RXFP1: variants seen among roughly 807,000 people sequenced by gnomAD.
The protein encoded by RXFP1 is relaxin receptor 1.
In RXFP1, 73 loss-of-function variants were observed where a neutral mutation model predicts 89.8. That is an observed-to-expected ratio of 0.81 (90% CI 0.67 to 0.99). The LOEUF (loss-of-function observed/expected upper bound fraction) is 0.99. Ranked by LOEUF, RXFP1 falls within the 50% of genes least tolerant of loss-of-function variation. RXFP1 has a pLI of 0.00. For synonymous variants in RXFP1, 277 were observed against 305.5 expected (o/e 0.91, Z 0.97); for missense variants, 793 against 895.5 (o/e 0.89, Z 1.46).
intron 1 of RXFP1, among the ~76,000 whole-genome samples, chr4:158,542,079 C>CTATATATA (rs1553993932): frequency 3.3e-5 from 1 of 29,854 alleles, no homozygotes; most frequent in Admixed American, 6.7e-4. Flanking sequence ...GCCACCATGG[C>CTATATATA]TATATATATA....
chr4:158,642,465 C>T (rs1770564422), intron 14 of RXFP1, among the ~76,000 whole-genome samples: 1 of 152,140 alleles, frequency 6.6e-6, no homozygotes, highest in South Asian at 2.1e-4. Context: ...CCCTCCCCAG[C>T]CTGTAGTATC....
intron 1 of RXFP1, among the ~76,000 whole-genome samples, chr4:158,565,236 C>T (rs571251884): frequency 3.7e-4 from 57 of 152,090 alleles, no homozygotes; most frequent in African/African-American, 1.1e-3. Context: ...AAGGGAGTAA[C>T]AGATATGTAA....
At chr4:158,633,163 C>T (rs1267600429) in intron 11 of RXFP1, among the ~76,000 whole-genome samples, 1 of 151,278 alleles carries the variant, frequency 6.6e-6, no homozygotes, top group Non-Finnish European at 1.5e-5. Context: ...GAGTGATACT[C>T]GGTCTCAAAA....
chr4:158,569,280 A>G (rs1289208686), intron 1 of RXFP1, among the ~76,000 whole-genome samples: 1 of 152,238 alleles, frequency 6.6e-6, no homozygotes, highest in African/African-American at 2.4e-5. Context: ...TGGAGATAGT[A>G]AAATGTTCAG....
intron 4 of RXFP1, among the ~76,000 whole-genome samples, chr4:158,600,598 A>C (rs1352157918): frequency 6.6e-6 from 1 of 152,166 alleles, no homozygotes; most frequent in Admixed American, 6.5e-5. Flanking sequence ...TTTAAATTCT[A>C]ACTGGAAATT....
At chr4:158,631,919 C>A (rs1361562679) in intron 11 of RXFP1, among the ~76,000 whole-genome samples, 1 of 152,098 alleles carries the variant, frequency 6.6e-6, no homozygotes, top group Admixed American at 6.5e-5. Flanking sequence ...ATGAAGAAAC[C>A]CAGTCTCTAT....
At chr4:158,555,536 G>T (rs778432192) in intron 1 of RXFP1, among the ~76,000 whole-genome samples, 1 of 152,136 alleles carries the variant, frequency 6.6e-6, no homozygotes, top group Non-Finnish European at 1.5e-5. Context: ...TGCAATAGCC[G>T]CACACAGGTT....
chr4:158,554,900 C>T (rs1215392948), intron 1 of RXFP1, among the ~76,000 whole-genome samples: 7 of 152,036 alleles, frequency 4.6e-5, no homozygotes, highest in Non-Finnish European at 8.8e-5. Context: ...CTATTGTAAC[C>T]ATGTCACTAG....
In RXFP1 at chr4:158,521,954, A is replaced by T. The variant is rs751294820; in HGVS notation, c.-23A>T. On this transcript the variant is annotated 5_prime_UTR_variant, in exon 1 of 18. Transcript: ENST00000307765. Reference sequence around the variant, plus strand: ...GACCAAATTTTGCTCACTTTCATTAATCAGTTGCTCAGATAGAAGGAAATG... The same window carrying T: ...GACCAAATTTTGCTCACTTTCATTATTCAGTTGCTCAGATAGAAGGAAATG... 3.5e-5 allele frequency: 56 copies of T among 1,599,016 alleles called. No individual in the cohort carries two copies. Among genetic ancestry groups the T allele is most frequent in the Middle Eastern group, 1.7e-4 (1 of 6,028 alleles).
At chr4:158,527,947 G>A (rs1404112702) in intron 1 of RXFP1, among the ~76,000 whole-genome samples, 1 of 151,986 alleles carries the variant, frequency 6.6e-6, no homozygotes, top group African/African-American at 2.4e-5. Context: ...AATATCAAAA[G>A]GGTAAAATAT....
intron 2 of RXFP1, among the ~76,000 whole-genome samples, chr4:158,588,129 C>T (rs1758661913): frequency 6.6e-6 from 1 of 152,106 alleles, no homozygotes; most frequent in Admixed American, 6.6e-5. Context: ...TTTTGTAAGG[C>T]TCCTGATCCC....
At chr4:158,636,766 C>T (rs148267347) in intron 12 of RXFP1, among the ~76,000 whole-genome samples, 2 of 152,256 alleles carry the variant, frequency 1.3e-5, no homozygotes, top group East Asian at 1.9e-4. Flanking sequence ...GAACACTTAA[C>T]GTCTACTCTC....
intron 3 of RXFP1, among the ~76,000 whole-genome samples, chr4:158,599,056 T>C (rs894184505): frequency 1.3e-5 from 2 of 151,248 alleles, no homozygotes; most frequent in Non-Finnish European, 3.0e-5. Flanking sequence ...TCATTCATTT[T>C]GCAATGAATG....
chr4:158,630,894 G>A (rs1055928832), intron 11 of RXFP1, among the ~76,000 whole-genome samples: 4 of 152,168 alleles, frequency 2.6e-5, no homozygotes, highest in African/African-American at 9.7e-5. Flanking sequence ...GGACAAAGAG[G>A]ATTCACTTGT....
At chr4:158,525,783 T>C (rs558414578) in intron 1 of RXFP1, among the ~76,000 whole-genome samples, 1 of 152,290 alleles carries the variant, frequency 6.6e-6, no homozygotes, top group Admixed American at 6.5e-5. Context: ...CTTTACAAAA[T>C]AGGAAACAGA....
chr4:158,530,114 A>G (rs1743655757), intron 1 of RXFP1, among the ~76,000 whole-genome samples: 1 of 152,228 alleles, frequency 6.6e-6, no homozygotes, highest in South Asian at 2.1e-4. Flanking sequence ...ATTTTACTTT[A>G]CAGAGTTTAA....
At chr4:158,593,693 G>T (rs1479531436) in intron 3 of RXFP1, among the ~76,000 whole-genome samples, 194 bp downstream of exon 3, 2 of 152,094 alleles carry the variant, frequency 1.3e-5, no homozygotes, top group African/African-American at 4.8e-5. Context: ...ACTTTAACTA[G>T]GAAAATTTAT....
At chr4:158,651,228 G>A (rs1167303989) in intron 17 of RXFP1, among the ~76,000 whole-genome samples, 1 of 152,092 alleles carries the variant, frequency 6.6e-6, no homozygotes, top group African/African-American at 2.4e-5. Flanking sequence ...TTTTTAAGAT[G>A]GGTTTAGCCA....
intron 1 of RXFP1, among the ~76,000 whole-genome samples, chr4:158,546,661 G>C (rs1248394699): frequency 1.3e-5 from 2 of 152,186 alleles, no homozygotes; most frequent in Non-Finnish European, 2.9e-5. Flanking sequence ...TTAGCATGAA[G>C]GGTTGTTGAA....
Sources: gnomAD v4.1 joint callset for allele counts (sites outside exome capture counted in the v4.1 genomes callset) on GRCh38, gnomAD v4.1.1 for gene constraint, MANE v1.5 for transcripts, NCBI Gene and HGNC (gene_info 2026-07-23, HGNC 2026-07-21) for gene names.